Variants in RGS8 observed in about 807,000 individuals in gnomAD.
RGS8 encodes regulator of G-protein signaling 8.
A neutral mutation model predicts 21.7 loss-of-function variants in RGS8; 8 were observed. The ratio of observed to expected loss-of-function variants is 0.37; its 90% CI spans 0.22 to 0.66. The LOEUF (loss-of-function observed/expected upper bound fraction) is 0.66, where lower values mean the gene tolerates loss of function less well. Among genes scored for constraint, RGS8 ranks in the 30% least tolerant of loss-of-function variants. The pLI, the probability that RGS8 is intolerant of heterozygous loss-of-function variation, is 0.59. For missense variants in RGS8, 157 were observed against 217.9 expected (o/e 0.72, Z 1.76); for synonymous variants, 80 against 83.6 (o/e 0.96, Z 0.24).
upstream of RGS8, among the ~76,000 whole-genome samples, chr1:182,684,980 G>A (rs868659317): frequency 6.6e-6 from 1 of 152,104 alleles, no homozygotes; most frequent in South Asian, 2.1e-4. This position sits in a 1 kb window ranked among gnomAD's most constrained non-coding sequence, Gnocchi z 4.2. Flanking sequence ...TCCTGGCCTG[G>A]CTTCAAGGTT....
At chr1:182,692,122 C>T in the RGS8 span, among the ~76,000 whole-genome samples, 14 of 151,974 alleles carry the variant, frequency 9.2e-5, no homozygotes, top group Admixed American at 4.6e-4. Context: ...TCTCCTGCCT[C>T]AGCCTCCTGA....
chr1:182,646,972 G>A, intron 6 of RGS8, 55 bp from the exon 8 acceptor site: 1 of 1,458,398 alleles, frequency 6.9e-7, no homozygotes, highest in Non-Finnish European at 9.4e-7. Flanking sequence ...AAGGTTTCTG[G>A]CAGCTGGCCC....
the RGS8 span, among the ~76,000 whole-genome samples, chr1:182,717,658 C>T: frequency 8.5e-5 from 13 of 152,114 alleles, no homozygotes; most frequent in African/African-American, 2.9e-4. Context: ...CCCTTGGTTC[C>T]CTCCCCTATT....
chr1:182,701,939 C>T, the RGS8 span, among the ~76,000 whole-genome samples: 2 of 152,248 alleles, frequency 1.3e-5, no homozygotes, highest in South Asian at 2.1e-4. Flanking sequence ...AAACAACAGA[C>T]GCTGGTGAGG....
chr1:182,652,740 T>C (rs895651178), intron 5 of RGS8, among the ~76,000 whole-genome samples: 7 of 152,052 alleles, frequency 4.6e-5, no homozygotes, highest in African/African-American at 1.5e-4. Context: ...AGTTACATGA[T>C]AGAGAAAGCA....
the RGS8 span, among the ~76,000 whole-genome samples, chr1:182,700,250 G>A: frequency 1.4e-3 from 217 of 152,318 alleles, no homozygotes; most frequent in African/African-American, 5.1e-3. Context: ...AGGCTTTTAT[G>A]AAAATGCTGT....
the RGS8 span, among the ~76,000 whole-genome samples, chr1:182,746,653 A>AAAAG: frequency 4.6e-5 from 7 of 152,104 alleles, no homozygotes; most frequent in East Asian, 7.7e-4. Flanking sequence ...CTCTGTCAAA[A>AAAAG]AAAGAAAGAA....
chr1:182,675,648 C>A (rs915965583), upstream of RGS8, among the ~76,000 whole-genome samples: 1 of 152,136 alleles, frequency 6.6e-6, no homozygotes, highest in Non-Finnish European at 1.5e-5. Context: ...TGTCCCCACC[C>A]TTGATCTGCC....
At chr1:182,727,800 CTATT>C in the RGS8 span, among the ~76,000 whole-genome samples, 6 of 151,988 alleles carry the variant, frequency 3.9e-5, no homozygotes, top group South Asian at 2.1e-4. Context: ...CATTCTTTCC[CTATT>C]TATTATTCAA....
intron 6 of RGS8, 72 bp from the exon 8 acceptor site, chr1:182,646,989 T>G: frequency 7.7e-7 from 1 of 1,291,046 alleles, no homozygotes; most frequent in Non-Finnish European, 1.1e-6. Flanking sequence ...GCCCTAACTA[T>G]GCAATAATTA....
At chr1:182,675,293 A>G (rs938727095), upstream of RGS8, among the ~76,000 whole-genome samples, 1 of 152,004 alleles carries the variant, frequency 6.6e-6, no homozygotes. Flanking sequence ...AAATCTTGTC[A>G]TATTTTTGAA....
At chr1:182,680,284 G>A (rs1664497818) in intron 1 of RGS8, among the ~76,000 whole-genome samples, 1 of 152,152 alleles carries the variant, frequency 6.6e-6, no homozygotes, top group African/African-American at 2.4e-5. Context: ...TACCTTGAGA[G>A]TCACCTACCA....
At chr1:182,708,890 C>G in the RGS8 span, among the ~76,000 whole-genome samples, 2 of 152,230 alleles carry the variant, frequency 1.3e-5, no homozygotes, top group African/African-American at 4.8e-5. Flanking sequence ...CGCTGATGCA[C>G]TGCTCCCCAA....
intron 5 of RGS8, among the ~76,000 whole-genome samples, chr1:182,649,785 C>T (rs893728379): frequency 2.6e-5 from 4 of 152,150 alleles, no homozygotes; most frequent in Admixed American, 2.0e-4. Context: ...ATAAACTGTC[C>T]TCAGGGGAAG....
chr1:182,691,279 TTTA>T, the RGS8 span, among the ~76,000 whole-genome samples: 1 of 152,306 alleles, frequency 6.6e-6, no homozygotes, highest in South Asian at 2.1e-4. Context: ...TAGCCCAAAT[TTTA>T]GCTCTCTTCC....
At chr1:182,751,602 A>T in the RGS8 span, among the ~76,000 whole-genome samples, 51 of 148,458 alleles carry the variant, frequency 3.4e-4, no homozygotes, top group Non-Finnish European at 9.0e-5. Context: ...CCTACCACAT[A>T]CATTTAATAT....
chr1:182,709,325 A>G, the RGS8 span, among the ~76,000 whole-genome samples: 1 of 152,172 alleles, frequency 6.6e-6, no homozygotes, highest in African/African-American at 2.4e-5. Flanking sequence ...AATCTGAACT[A>G]TGAAGTGCAC....
chr1:182,723,690 C>T, the RGS8 span, among the ~76,000 whole-genome samples: 1 of 152,038 alleles, frequency 6.6e-6, no homozygotes, highest in African/African-American at 2.4e-5. Flanking sequence ...AAGCCCAGGT[C>T]CTTGGGGGTC....
the RGS8 span, among the ~76,000 whole-genome samples, chr1:182,744,161 GT>G: frequency 6.6e-6 from 1 of 152,032 alleles, no homozygotes; most frequent in African/African-American, 2.4e-5. Flanking sequence ...ATCCAATGTT[GT>G]TTGTTTGTTT....
Sources: gnomAD v4.1 joint callset for allele counts (sites outside exome capture counted in the v4.1 genomes callset) on GRCh38, gnomAD v4.1.1 for gene constraint, Gnocchi (gnomAD v3.1) non-coding constraint, MANE v1.5 for transcripts, NCBI Gene and HGNC (gene_info 2026-07-23, HGNC 2026-07-21) for gene names.